The following HNF4G variants were observed in gnomAD, a reference collection of about 807,000 sequenced individuals.
The protein encoded by HNF4G is hepatocyte nuclear factor 4-gamma.
HNF4G carries 21 observed loss-of-function variants against 50.9 expected under a neutral mutation model. The ratio of observed to expected loss-of-function variants is 0.41; its 90% confidence interval spans 0.29 to 0.59. The LOEUF is 0.59. Ranked by LOEUF, HNF4G falls within the 20% of genes least tolerant of loss-of-function variation. The pLI, the probability that HNF4G is intolerant of heterozygous loss-of-function variation, is 0.26. For missense variants in HNF4G, 527 were observed against 559.4 expected (o/e 0.94, Z 0.58); for synonymous variants, 198 against 185.6 (o/e 1.07, Z -0.54).
At chr8:75,519,949 G>T (rs1035323361) in intron 2 of HNF4G, among the ~76,000 whole-genome samples, 1 of 151,958 alleles carries the variant, frequency 6.6e-6, no homozygotes, top group Admixed American at 6.6e-5. Context: ...GATTGAAGTT[G>T]ACCATTTTGC....
intron 1 of HNF4G, among the ~76,000 whole-genome samples, chr8:75,483,226 TATTC>T (rs1812420751): frequency 6.6e-6 from 1 of 151,214 alleles, no homozygotes; most frequent in South Asian, 2.1e-4. Context: ...TTAAAATATT[TATTC>T]ATTTATTTCA....
chr8:75,550,553 G>A (rs149944634), intron 3 of HNF4G, among the ~76,000 whole-genome samples: 5 of 151,890 alleles, frequency 3.3e-5, no homozygotes, highest in African/African-American at 9.6e-5. Context: ...CCTCAGCCTC[G>A]CAAAGTGCTG....
At chr8:75,416,927 A>T (rs1810650221) in intron 1 of HNF4G, among the ~76,000 whole-genome samples, 1 of 152,240 alleles carries the variant, frequency 6.6e-6, no homozygotes, top group Non-Finnish European at 1.5e-5. Flanking sequence ...AGTTTACTGT[A>T]CATTGTGAGA....
intron 6 of HNF4G, among the ~76,000 whole-genome samples, chr8:75,557,490 G>A (rs1322652174): frequency 1.3e-5 from 2 of 152,058 alleles, no homozygotes; most frequent in Non-Finnish European, 2.9e-5. Flanking sequence ...GCGTGGTGGC[G>A]GGAGCCTGTA....
At chr8:75,492,127 C>T (rs1812646674) in intron 2 of HNF4G, among the ~76,000 whole-genome samples, 2 of 152,280 alleles carry the variant, frequency 1.3e-5, no homozygotes, top group South Asian at 2.1e-4. Context: ...TTTTCTACAC[C>T]TGTTTTCATA....
chr8:75,560,471 GT>G lies in HNF4G; in HGVS notation c.1246+8del. The G allele has an allele frequency of 6.2e-7, 1 of 1,603,008 alleles. No individual in the cohort carries two copies. Among genetic ancestry groups the G allele is most frequent in the Non-Finnish European group, 8.5e-7 (1 of 1,176,308 alleles). On this transcript the variant is annotated splice_donor_region_variant and intron_variant, in intron 9 of 9. Coordinates refer to ENST00000396423, the MANE Select transcript of HNF4G (RefSeq NM_004133.5). The stretch of plus-strand genomic sequence containing the variant: ...TGGTTCATGCAGACCAGATCTGTAA[GT>G]TTATAGACTACTTTTCAACCAAGAT...
intron 1 of HNF4G, among the ~76,000 whole-genome samples, chr8:75,429,712 C>T (rs951409364): frequency 5.9e-5 from 9 of 152,006 alleles, no homozygotes; most frequent in South Asian, 2.1e-4. Flanking sequence ...GCAGAAAGGC[C>T]GATCAGGTCC....
chr8:75,417,186 T>C (rs1185039693), intron 1 of HNF4G, among the ~76,000 whole-genome samples: 1 of 152,198 alleles, frequency 6.6e-6, no homozygotes, highest in Non-Finnish European at 1.5e-5. Flanking sequence ...TTTTATTTTT[T>C]ATAGATGAGG....
chr8:75,524,154 T>C (rs1308126750), intron 2 of HNF4G, among the ~76,000 whole-genome samples: 1 of 152,128 alleles, frequency 6.6e-6, no homozygotes, highest in Non-Finnish European at 1.5e-5. Flanking sequence ...AAAAGACCTA[T>C]AGTGGACACA....
intron 1 of HNF4G, among the ~76,000 whole-genome samples, chr8:75,414,820 A>G (rs1006368161): frequency 6.6e-6 from 1 of 152,182 alleles, no homozygotes; most frequent in Non-Finnish European, 1.5e-5. Flanking sequence ...GCTTGTTTCC[A>G]GGTTTTGGCT....
intron 5 of HNF4G, 96 bp from the exon 6 acceptor site, chr8:75,555,886 C>T (rs2130808867): frequency 3.3e-6 from 2 of 609,456 alleles, no homozygotes; most frequent in South Asian, 8.3e-5. Flanking sequence ...ACAAAAAGTC[C>T]CAGGCTTAAA....
intron 2 of HNF4G, among the ~76,000 whole-genome samples, chr8:75,504,593 C>A (rs1813026792): frequency 6.6e-6 from 1 of 152,110 alleles, no homozygotes; most frequent in Non-Finnish European, 1.5e-5. Flanking sequence ...CACATAATGT[C>A]ATTTACAAAA....
At chr8:75,509,029 A>G (rs1020871912) in intron 2 of HNF4G, among the ~76,000 whole-genome samples, 7 of 152,236 alleles carry the variant, frequency 4.6e-5, no homozygotes, top group Non-Finnish European at 1.0e-4. Flanking sequence ...ACAGAAAATT[A>G]CAGAAATGTG....
intron 2 of HNF4G, among the ~76,000 whole-genome samples, chr8:75,545,582 G>T (rs1806753281): frequency 1.3e-5 from 2 of 152,092 alleles, no homozygotes; most frequent in Admixed American, 6.5e-5. Flanking sequence ...TGAAGCTCAG[G>T]TTGTGCTGGT....
At chr8:75,452,304 T>C (rs1811602654) in intron 1 of HNF4G, among the ~76,000 whole-genome samples, 1 of 152,192 alleles carries the variant, frequency 6.6e-6, no homozygotes, top group Admixed American at 6.5e-5. Context: ...ATTGTTACAG[T>C]ATTAGTATGT....
intron 1 of HNF4G, among the ~76,000 whole-genome samples, chr8:75,424,290 G>A (rs1402921064): frequency 2.6e-5 from 4 of 151,914 alleles, no homozygotes; most frequent in South Asian, 2.1e-4. Flanking sequence ...TCGTTAAATA[G>A]AAATAATACA....
intron 2 of HNF4G, among the ~76,000 whole-genome samples, chr8:75,497,605 A>G (rs1403218056): frequency 1.3e-5 from 2 of 151,462 alleles, no homozygotes; most frequent in African/African-American, 4.9e-5. Context: ...AATTGCTTGA[A>G]CCCAGGAGGC....
At chr8:75,496,949 C>G (rs1029258550) in intron 2 of HNF4G, among the ~76,000 whole-genome samples, 2 of 152,034 alleles carry the variant, frequency 1.3e-5, no homozygotes, top group Non-Finnish European at 2.9e-5. Flanking sequence ...GAAACATTAT[C>G]TTAACAACAA....
intron 2 of HNF4G, among the ~76,000 whole-genome samples, chr8:75,544,189 A>G (rs1806704604): frequency 6.6e-6 from 1 of 152,216 alleles, no homozygotes; most frequent in Non-Finnish European, 1.5e-5. Context: ...GACTTACAGA[A>G]GGTATATAAA....
Sources: allele counts gnomAD v4.1 joint callset (sites outside exome capture counted in the v4.1 genomes callset), GRCh38; gene constraint gnomAD v4.1.1; transcripts MANE v1.5; gene names NCBI Gene and HGNC (gene_info 2026-07-23, HGNC 2026-07-21).